TMPRSS15: variants seen among roughly 807,000 people sequenced by gnomAD.
TMPRSS15 encodes the protein enteropeptidase.
A neutral mutation model predicts 125.3 loss-of-function variants in TMPRSS15; 128 were observed. The observed-to-expected ratio is 1.02, with a 90% CI of 0.89 to 1.18. TMPRSS15 has a LOEUF of 1.18. TMPRSS15 is among the 50% of genes most tolerant of loss of function. The probability of loss-of-function intolerance (pLI) is 0.00; values close to 1 mark genes in which losing one functional copy is unlikely to be tolerated. For synonymous variants in TMPRSS15, 446 were observed against 423.2 expected (o/e 1.05, Z -0.66); for missense variants, 1,283 against 1,212.7 (o/e 1.06, Z -0.86).
chr21:18,273,714 CCTT>C (rs1180588637), intron 24 of TMPRSS15, among the ~76,000 whole-genome samples: 2 of 152,120 alleles, frequency 1.3e-5, no homozygotes, highest in Non-Finnish European at 2.9e-5. Context: ...CTATAGATCT[CCTT>C]CTAAGTGGCA....
At chr21:18,463,199 G>A (rs2122953690) in intron 1 of TMPRSS15, among the ~76,000 whole-genome samples, 20 of 111,162 alleles carry the variant, frequency 1.8e-4, no homozygotes, top group Non-Finnish European at 1.9e-4. Context: ...AACACGCATA[G>A]GCTCAAAATA....
intron 8 of TMPRSS15, among the ~76,000 whole-genome samples, chr21:18,357,418 A>G (rs1478082035): frequency 2.6e-5 from 4 of 151,804 alleles, no homozygotes; most frequent in African/African-American, 9.7e-5. Flanking sequence ...TGCCTTTAGG[A>G]TTTGTTTATG....
chr21:18,452,401 C>A (rs569952796), intron 1 of TMPRSS15, among the ~76,000 whole-genome samples: 1 of 152,164 alleles, frequency 6.6e-6, no homozygotes, highest in Non-Finnish European at 1.5e-5. Context: ...TGGCAGCTCA[C>A]GCCTGTAATC....
chr21:18,365,614 T>TCC (rs1569035508), intron 6 of TMPRSS15, among the ~76,000 whole-genome samples: 2 of 10,740 alleles, frequency 1.9e-4, no homozygotes, highest in Admixed American at 1.4e-3. Context: ...TTCCTTCCTT[T>TCC]TCTCTCTTTC....
chr21:18,389,790 T>G (rs1043181773), intron 3 of TMPRSS15, among the ~76,000 whole-genome samples: 6 of 152,172 alleles, frequency 3.9e-5, no homozygotes, highest in African/African-American at 1.2e-4. Context: ...TCACTAAAAC[T>G]AAGGATTCTG....
chr21:18,289,728 A>T (rs2074811114), intron 21 of TMPRSS15, among the ~76,000 whole-genome samples: 1 of 152,222 alleles, frequency 6.6e-6, no homozygotes. Flanking sequence ...CACTAATTTC[A>T]TCTTTAATAG....
intron 19 of TMPRSS15, among the ~76,000 whole-genome samples, chr21:18,295,704 A>T (rs1282576750): frequency 6.6e-6 from 1 of 152,246 alleles, no homozygotes; most frequent in Non-Finnish European, 1.5e-5. Context: ...AAGGAAGTCT[A>T]TCTTTTTAGT....
intron 15 of TMPRSS15, among the ~76,000 whole-genome samples, chr21:18,328,450 C>T (rs1040387871): frequency 1.3e-5 from 2 of 152,072 alleles, no homozygotes; most frequent in African/African-American, 4.8e-5. Flanking sequence ...TTTGGACATC[C>T]GATGTACACA....
chr21:18,334,910 G>A (rs1289999609), intron 13 of TMPRSS15, among the ~76,000 whole-genome samples: 1 of 152,182 alleles, frequency 6.6e-6, no homozygotes, highest in African/African-American at 2.4e-5. Context: ...TGAAAGCACT[G>A]ACAAGTAAGG....
chr21:18,482,567 G>A (rs920253230), intron 1 of TMPRSS15, among the ~76,000 whole-genome samples: 7 of 151,324 alleles, frequency 4.6e-5, no homozygotes, highest in Non-Finnish European at 1.0e-4. Flanking sequence ...AAAATATTAT[G>A]TACCAATAAA....
At chr21:18,432,728 A>G (rs1037401592) in intron 1 of TMPRSS15, among the ~76,000 whole-genome samples, 15 of 152,132 alleles carry the variant, frequency 9.9e-5, no homozygotes, top group African/African-American at 3.1e-4. Context: ...TAGATTTTGG[A>G]TTTCCAGCCT....
chr21:18,406,527 G>A (rs1195184497), upstream of TMPRSS15, among the ~76,000 whole-genome samples: 1 of 151,992 alleles, frequency 6.6e-6, no homozygotes, highest in East Asian at 1.9e-4. Context: ...GACAAAAAGG[G>A]CAAAACCAAA....
intron 13 of TMPRSS15, among the ~76,000 whole-genome samples, chr21:18,340,026 C>G (rs755684662): frequency 9.9e-5 from 15 of 152,244 alleles, no homozygotes; most frequent in Middle Eastern, 3.4e-3. Context: ...AAACATATGC[C>G]AAAGCCTTAC....
chr21:18,416,322 A>C (rs920846398), intron 1 of TMPRSS15, among the ~76,000 whole-genome samples: 4 of 152,072 alleles, frequency 2.6e-5, no homozygotes, highest in African/African-American at 9.7e-5. Context: ...ACCACAAAAG[A>C]CCCAGAGTAG....
At chr21:18,275,798 C>T (rs1030809000) in intron 23 of TMPRSS15, among the ~76,000 whole-genome samples, 3 of 152,126 alleles carry the variant, frequency 2.0e-5, no homozygotes, top group Admixed American at 6.5e-5. Context: ...AGGTGCACAT[C>T]GAGCAGAGGA....
At chr21:18,413,278 CTT>C (rs1227907584) in intron 1 of TMPRSS15, among the ~76,000 whole-genome samples, 1 of 106,312 alleles carries the variant, frequency 9.4e-6, no homozygotes, top group African/African-American at 3.7e-5. Flanking sequence ...CTTTCTTTTT[CTT>C]TTTCTTTCTT....
At chr21:18,384,406 G>A (rs1386584749) in intron 3 of TMPRSS15, among the ~76,000 whole-genome samples, 2 of 152,048 alleles carry the variant, frequency 1.3e-5, no homozygotes, top group Non-Finnish European at 2.9e-5. Context: ...TCCATGAGTC[G>A]GGATTGTCTT....
chr21:18,484,216 A>G (rs1445919111), intron 1 of TMPRSS15, among the ~76,000 whole-genome samples: 1 of 151,890 alleles, frequency 6.6e-6, no homozygotes, highest in Non-Finnish European at 1.5e-5. Context: ...ATGTATGTAC[A>G]TTTTTAATTC....
Position 18,281,138 on chromosome 21 carries a change from C to T in TMPRSS15, c.2570G>A (p.Arg857Gln), listed in dbSNP as rs756065153. ...GTTTATGACAATTTCATCTATTAAT[C>T]GAGGGACTGTTTGAGGAGAGGTCAG... ...SNLTSPQTVP[R>Q]LIDEIVINPH... The change falls in exon 22 of 25, where the codon CGA becomes CAA. Residue 857 changes from arginine (R) to glutamine (Q), a missense_variant. Transcript: ENST00000284885. 78 of 1,613,678 alleles carry T rather than the reference C, an allele frequency of 4.8e-5. No homozygotes were observed. Among genetic ancestry groups the T allele is most frequent in the Non-Finnish European group, 5.8e-5 (68 of 1,179,948 alleles).
Sources: gnomAD v4.1 joint callset for allele counts (sites outside exome capture counted in the v4.1 genomes callset) on GRCh38, gnomAD v4.1.1 for gene constraint, MANE v1.5 for transcripts, NCBI Gene and HGNC (gene_info 2026-07-23, HGNC 2026-07-21) for gene names.